Variants in RNF38 observed in about 807,000 individuals in gnomAD.
RNF38 encodes E3 ubiquitin-protein ligase RNF38.
In RNF38, 15 loss-of-function variants were observed where a neutral mutation model predicts 67.2. The observed-to-expected ratio is 0.22, with a 90% CI of 0.15 to 0.34. The LOEUF is 0.34. RNF38 is among the 10% of genes least tolerant of loss of function. The pLI is 1.00. For missense variants in RNF38, 524 were observed against 639.9 expected, an observed-to-expected ratio of 0.82 and a Z score of 1.95; for synonymous variants, 220 against 218.8, an observed-to-expected ratio of 1.01 and a Z score of -0.05.
intron 1 of RNF38, among the ~76,000 whole-genome samples, chr9:36,483,973 T>C (rs186909062): frequency 1.3e-5 from 2 of 152,324 alleles, no homozygotes; most frequent in African/African-American, 2.4e-5. Context: ...CATTCTTTTA[T>C]GCTCCACAAA....
chr9:36,477,029 T>G (rs978210191), intron 1 of RNF38, among the ~76,000 whole-genome samples: 1 of 151,946 alleles, frequency 6.6e-6, no homozygotes, highest in Non-Finnish European at 1.5e-5. Flanking sequence ...AGTCTTAAAG[T>G]CTAAAGATTA....
chr9:36,475,350 T>G (rs907506516), intron 1 of RNF38, among the ~76,000 whole-genome samples: 1 of 151,972 alleles, frequency 6.6e-6, no homozygotes, highest in African/African-American at 2.4e-5. Context: ...TTAGTAATTA[T>G]TAATCATTAT....
At chr9:36,406,900 G>A (rs1283462299) in intron 2 of RNF38, among the ~76,000 whole-genome samples, 3 of 152,156 alleles carry the variant, frequency 2.0e-5, no homozygotes, top group African/African-American at 7.2e-5. Context: ...GGTGGCTCAC[G>A]CCTGTAATCC....
chr9:36,400,758 G>A, upstream of RNF38: 1 of 985,636 alleles, frequency 1.0e-6, no homozygotes, highest in Non-Finnish European at 1.2e-6. Flanking sequence ...GCCGCGCCAG[G>A]AAACGACGGC....
chr9:36,353,343 GAA>G lies in RNF38; in HGVS notation c.910-14_910-13del. 2 of 1,483,962 alleles carry G rather than the reference GAA, an allele frequency of 1.3e-6. No individual in the cohort carries two copies. The highest frequency in any genetic ancestry group is 1.3e-5 in the South Asian group (1 of 75,792). The allele number at this position is 1,483,962 out of a possible 1,614,324, so 91.9% of individuals were successfully genotyped here. A position where few individuals can be genotyped will look rare whatever the true frequency, so the allele number is the denominator to read the frequency against. ...ATCCTTTGCAGAGGCTGAGGAGGGG[GAA>G]AAAAAAACACATATATGTATATATA... On this transcript the variant is annotated splice_polypyrimidine_tract_variant and intron_variant, in intron 6 of 11. Transcript: ENST00000259605.
intron 2 of RNF38, among the ~76,000 whole-genome samples, chr9:36,424,165 A>G (rs557622669): frequency 6.6e-6 from 1 of 152,348 alleles, no homozygotes; most frequent in East Asian, 1.9e-4. Context: ...CTTTGTAAAC[A>G]GAGCCAAAAA....
intron 1 of RNF38, among the ~76,000 whole-genome samples, chr9:36,485,070 G>A (rs1036600687): frequency 2.0e-5 from 3 of 152,218 alleles, no homozygotes; most frequent in African/African-American, 7.2e-5. Context: ...TCGGGAGGCT[G>A]AGGCAGGAGA....
intron 2 of RNF38, among the ~76,000 whole-genome samples, chr9:36,422,095 G>A (rs10972893): frequency 0.19 from 28,412 of 152,000 alleles, 3,231 homozygotes; most frequent in Non-Finnish European, 0.26. Flanking sequence ...AGCCAGGCAC[G>A]GTGATGAACA....
intron 1 of RNF38, among the ~76,000 whole-genome samples, chr9:36,469,585 C>T (rs373372232): frequency 1.5e-4 from 23 of 152,102 alleles, no homozygotes; most frequent in African/African-American, 4.6e-4. Context: ...TGCTTGAACC[C>T]GGGAGGTGGA....
rs868836479 is a variant in RNF38 at position 36,372,502 on chromosome 9, A to T, written c.357-2570T>A. On this transcript the variant is annotated intron_variant, in intron 3 of 11. Transcript: ENST00000259605. ...TACCTAGCTTTGTGCTCACCTCTGT[A>T]ACTGAAATCCTGCTAGATTATTGTT... The T allele has an allele frequency of 4.2e-6, 3 of 711,366 alleles. No homozygotes were observed. In the African/African-American group the frequency reaches 5.3e-5, roughly 13 times the overall value. 44.1% of individuals were successfully genotyped at this position (711,366 alleles called of 1,614,324 possible). A position where few individuals can be genotyped will look rare whatever the true frequency, so the allele number is the denominator to read the frequency against.
Position 36,356,340 on chromosome 9 carries a change from C to T in RNF38, c.872G>A (p.Gly291Asp), listed in dbSNP as rs1834104289. The part of the protein sequence containing the change: ...PHHPPHLPPP[G>D]QFVPFQTQQS... ...CTGTGTTTGGAAAGGGACAAACTGG[C>T]CTGGTGGTGGCAAATGAGGAGGATG... The change falls in exon 6 of 12, where the codon GGC (glycine) becomes GAC (aspartate). Residue 291 changes from glycine (G) to aspartate (D), a missense_variant. Coordinates refer to ENST00000259605, the MANE Select transcript of RNF38 (RefSeq NM_022781.5). 1 of 1,613,704 alleles carries T rather than the reference C, an allele frequency of 6.2e-7. No individual in the cohort carries two copies. Among genetic ancestry groups the T allele is most frequent in the Admixed American group, 1.7e-5 (1 of 59,952 alleles).
chr9:36,465,957 CAGG>C (rs956224333), intron 1 of RNF38, among the ~76,000 whole-genome samples: 4 of 152,140 alleles, frequency 2.6e-5, no homozygotes, highest in African/African-American at 9.6e-5. Flanking sequence ...GAGGCTGAGG[CAGG>C]AGAATGGTGT....
chr9:36,427,242 AAG>A (rs939567238), intron 1 of RNF38, among the ~76,000 whole-genome samples: 1 of 152,230 alleles, frequency 6.6e-6, no homozygotes, highest in African/African-American at 2.4e-5. Context: ...AAATAAAAGA[AAG>A]AGTTTTTAAA....
intron 2 of RNF38, among the ~76,000 whole-genome samples, chr9:36,383,492 A>C (rs1836359789): frequency 6.6e-6 from 1 of 152,150 alleles, no homozygotes; most frequent in Non-Finnish European, 1.5e-5. Flanking sequence ...GGCCGGCCTA[A>C]ATGTGTTTCT....
chr9:36,382,491 G>A (rs1484768078), intron 2 of RNF38, among the ~76,000 whole-genome samples: 2 of 152,144 alleles, frequency 1.3e-5, no homozygotes, highest in African/African-American at 4.8e-5. Flanking sequence ...GAACAAGTCA[G>A]AAGTCATTAA....
chr9:36,393,807 C>G (rs1021573013), intron 1 of RNF38, among the ~76,000 whole-genome samples: 3 of 152,248 alleles, frequency 2.0e-5, no homozygotes, highest in South Asian at 4.1e-4. Context: ...GCCAATTCTT[C>G]AGACTAAGAT....
intron 5 of RNF38, among the ~76,000 whole-genome samples, chr9:36,356,997 G>A (rs189825681): frequency 3.3e-5 from 5 of 152,268 alleles, no homozygotes; most frequent in South Asian, 2.1e-4. Flanking sequence ...AATCTGTTAA[G>A]TTAGTATTGG....
At chr9:36,372,376 TTTA>T (rs1265657092) in intron 3 of RNF38, 1 of 569,170 alleles carries the variant, frequency 1.8e-6, no homozygotes, top group Non-Finnish European at 3.2e-6. Context: ...TTTCTTGAAG[TTTA>T]TTGTTAATTG....
At position 36,487,254 on chromosome 9, in the gene RNF38, C is replaced by T. The variant is rs545786967; in HGVS notation, n.241+54G>A. ...CTGGACCACACGCCTCCGGCCCCCA[C>T]CCGCGGGACCGACCCACGCCCCTCC... On this transcript the variant is annotated intron_variant and non_coding_transcript_variant, in intron 1 of 3. Coordinates refer to the RNF38 transcript ENST00000488058. 1.1e-4 allele frequency: 110 copies of T among 973,024 alleles called. No individual in the cohort carries two copies. The African/African-American group carries it at 1.9e-3, about 17-fold the overall frequency. 60.3% of individuals were successfully genotyped at this position (973,024 alleles called of 1,614,324 possible). A position where few individuals can be genotyped will look rare whatever the true frequency, so the allele number is the denominator to read the frequency against.
Sources: allele counts gnomAD v4.1 joint callset (sites outside exome capture counted in the v4.1 genomes callset), GRCh38; gene constraint gnomAD v4.1.1; transcripts MANE v1.5; gene names NCBI Gene and HGNC (gene_info 2026-07-23, HGNC 2026-07-21).